TTC28: variants seen among roughly 807,000 people sequenced by gnomAD.
TTC28 encodes the protein tetratricopeptide repeat domain 28, also known as tetratricopeptide repeat protein 28.
In TTC28, 61 loss-of-function variants were observed where a neutral mutation model predicts 198.0. That is an observed-to-expected ratio of 0.31 (90% CI 0.25 to 0.38). The LOEUF (loss-of-function observed/expected upper bound fraction) is 0.38. Among genes scored for constraint, TTC28 ranks in the 10% least tolerant of loss-of-function variants. The pLI, the probability that TTC28 is intolerant of heterozygous loss-of-function variation, is 1.00. For missense variants in TTC28, 2,678 were observed against 3,164.0 expected (o/e 0.85, Z 3.69); for synonymous variants, 1,171 against 1,297.8 (o/e 0.90, Z 2.10).
intron 2 of TTC28, among the ~76,000 whole-genome samples, chr22:28,321,904 T>TCACTGC (rs1259967524): frequency 2.0e-5 from 3 of 152,158 alleles, no homozygotes; most frequent in African/African-American, 7.2e-5. Context: ...AGATCTTGGC[T>TCACTGC]CACTGCCACC....
chr22:27,995,437 T>C (rs1023451046), intron 17 of TTC28, among the ~76,000 whole-genome samples: 3 of 152,194 alleles, frequency 2.0e-5, no homozygotes, highest in Admixed American at 2.0e-4. Context: ...CCTTCCAGGT[T>C]GTTCCCGAGG....
At chr22:28,143,471 T>C (rs1385147525) in intron 6 of TTC28, among the ~76,000 whole-genome samples, 2 of 152,232 alleles carry the variant, frequency 1.3e-5, no homozygotes, top group African/African-American at 4.8e-5. Context: ...TAACATTGTG[T>C]TGGAGAGCAC....
At position 28,165,481 on chromosome 22, in the gene TTC28, GGA is replaced by G. The variant is rs1326015545; in HGVS notation, c.934-1884_934-1883del. Among the ~76,000 whole-genome samples the G allele has an allele frequency of 7.8e-3, 1,168 of 149,742 alleles. 5 individuals carry two copies. Among genetic ancestry groups the G allele is most frequent in the Non-Finnish European group, 0.012 (785 of 66,714 alleles). ...CCCATCAGACTAACAGCTGATCTCA[GGA>G]CAGAAACTCTACAAGCCAGAAGAGA... is the stretch of plus-strand genomic sequence containing the variant. On this transcript the variant is annotated intron_variant, in intron 5 of 22. Coordinates refer to ENST00000397906, the MANE Select transcript of TTC28 (RefSeq NM_001145418.2).
intron 2 of TTC28, among the ~76,000 whole-genome samples, chr22:28,580,200 G>A (rs757673203): frequency 1.8e-4 from 28 of 152,044 alleles, no homozygotes; most frequent in Non-Finnish European, 3.7e-4. Context: ...CAGGCTGAGT[G>A]GATAACTGCA....
chr22:28,262,878 C>G (rs559235140), intron 5 of TTC28, among the ~76,000 whole-genome samples: 1 of 152,146 alleles, frequency 6.6e-6, no homozygotes, highest in Admixed American at 6.5e-5. Context: ...ATGAGACTAC[C>G]AGAGGTCCAA....
intron 2 of TTC28, among the ~76,000 whole-genome samples, chr22:28,518,394 T>C (rs969545816): frequency 6.6e-6 from 1 of 152,134 alleles, no homozygotes; most frequent in Non-Finnish European, 1.5e-5. Flanking sequence ...GACACGAGGA[T>C]TGCTTGAGGA....
At chr22:28,071,612 T>G in intron 12 of TTC28, among the ~76,000 whole-genome samples, 1 of 148,930 alleles carries the variant, frequency 6.7e-6, no homozygotes. Context: ...AGGGATAGCA[T>G]TGGGAGATAT....
intron 6 of TTC28, among the ~76,000 whole-genome samples, chr22:28,151,869 AG>A (rs1249500538): frequency 1.3e-5 from 2 of 152,170 alleles, no homozygotes; most frequent in Admixed American, 6.5e-5. Context: ...GAACTGCTTT[AG>A]ATGAAAAGCT....
chr22:28,307,856 G>A (rs1340440054), intron 2 of TTC28, among the ~76,000 whole-genome samples: 1 of 151,950 alleles, frequency 6.6e-6, no homozygotes. Flanking sequence ...TCTAAATGAA[G>A]TTTCAAACTC....
chr22:28,579,779 G>A (rs1184399414), intron 2 of TTC28, among the ~76,000 whole-genome samples: 1 of 151,876 alleles, frequency 6.6e-6, no homozygotes, highest in East Asian at 1.9e-4. Context: ...GACCAGCCTG[G>A]CCAACATAGT....
chr22:28,633,674 C>T (rs1338513388), intron 1 of TTC28, among the ~76,000 whole-genome samples: 1 of 152,112 alleles, frequency 6.6e-6, no homozygotes, highest in Non-Finnish European at 1.5e-5. Flanking sequence ...AATGCCAACA[C>T]AGATAAGAAT....
intron 3 of TTC28, among the ~76,000 whole-genome samples, chr22:28,305,222 A>G (rs931331957): frequency 5.2e-4 from 79 of 151,884 alleles, no homozygotes; most frequent in African/African-American, 1.8e-3. Context: ...CAAAATCCTG[A>G]CCTCGTGATC....
Position 28,629,843 on chromosome 22 carries a change from A to T in TTC28, c.103-13T>A. Reference sequence around the variant, plus strand: ...CAAAGAGAGGAATCTACAAACAAAGAAACTTTATCAGAAAAAGTTCAGATA... The same window carrying T: ...CAAAGAGAGGAATCTACAAACAAAGTAACTTTATCAGAAAAAGTTCAGATA... On this transcript the variant is annotated splice_polypyrimidine_tract_variant and intron_variant, in intron 1 of 22. Transcript: ENST00000397906. 1 of 1,538,318 alleles carries T rather than the reference A, an allele frequency of 6.5e-7. No homozygotes were observed. The highest frequency in any genetic ancestry group is 8.8e-7 in the Non-Finnish European group (1 of 1,141,538).
chr22:28,411,617 A>G (rs2047082358), intron 2 of TTC28, among the ~76,000 whole-genome samples: 1 of 152,218 alleles, frequency 6.6e-6, no homozygotes. Context: ...GCCTGCAGGA[A>G]AGTACTGGTT....
At chr22:28,281,947 C>T (rs568606450) in intron 5 of TTC28, among the ~76,000 whole-genome samples, 1 of 152,310 alleles carries the variant, frequency 6.6e-6, no homozygotes, top group Non-Finnish European at 1.5e-5. Flanking sequence ...ATCTCACTTT[C>T]TGGTTGTTTT....
At chr22:28,071,987 C>A (rs1941000566) in intron 12 of TTC28, among the ~76,000 whole-genome samples, 1 of 152,062 alleles carries the variant, frequency 6.6e-6, no homozygotes, top group Admixed American at 6.5e-5. Flanking sequence ...CATAAGCTGG[C>A]TTTGGGGTCA....
intron 5 of TTC28, among the ~76,000 whole-genome samples, chr22:28,210,239 C>G (rs767253992): frequency 6.6e-6 from 1 of 152,186 alleles, no homozygotes; most frequent in Non-Finnish European, 1.5e-5. Context: ...CTCTTCTCCA[C>G]CAAAGGAACG....
intron 5 of TTC28, among the ~76,000 whole-genome samples, chr22:28,249,129 A>G (rs1163233598): frequency 1.3e-5 from 2 of 152,188 alleles, no homozygotes; most frequent in East Asian, 3.8e-4. Flanking sequence ...GGGAGACAGA[A>G]TAACCCAGAG....
chr22:28,391,915 G>A (rs921058242), intron 2 of TTC28, among the ~76,000 whole-genome samples: 8 of 152,178 alleles, frequency 5.3e-5, no homozygotes, highest in Non-Finnish European at 8.8e-5. Flanking sequence ...GAGGAGAGGC[G>A]CTCTGCTTTT....
Sources: gnomAD v4.1 joint callset for allele counts (sites outside exome capture counted in the v4.1 genomes callset) on GRCh38, gnomAD v4.1.1 for gene constraint, MANE v1.5 for transcripts, NCBI Gene and HGNC (gene_info 2026-07-23, HGNC 2026-07-21) for gene names.